CACFD1: variants seen among roughly 807,000 people sequenced by gnomAD.
The protein encoded by CACFD1 is calcium channel flower homolog.
CACFD1 carries 26 observed loss-of-function variants against 21.3 expected under a neutral mutation model. That is an observed-to-expected ratio of 1.22 (90% CI 0.89 to 1.69). The LOEUF (loss-of-function observed/expected upper bound fraction) is 1.69, where lower values mean the gene tolerates loss of function less well. Ranked by LOEUF, CACFD1 falls within the 40% of genes most tolerant of loss-of-function variation. The probability of loss-of-function intolerance (pLI) is 0.00; values close to 1 mark genes in which losing one functional copy is unlikely to be tolerated. For synonymous variants in CACFD1, 121 were observed against 106.6 expected, an observed-to-expected ratio of 1.13 and a Z score of -0.83; for missense variants, 265 against 236.2, an observed-to-expected ratio of 1.12 and a Z score of -0.80.
intron 3 of CACFD1, among the ~76,000 whole-genome samples, chr9:133,467,005 C>T (rs1843464485): frequency 6.6e-6 from 1 of 152,188 alleles, no homozygotes; most frequent in African/African-American, 2.4e-5. Context: ...TCAGAAGGTT[C>T]CCCGCCGTGG....
rs1373406949 is a variant in CACFD1 at position 133,468,680 on chromosome 9, C to T, written c.*27C>T. 1.9e-6 allele frequency: 3 copies of T among 1,546,382 alleles called. No homozygotes were observed. The highest frequency in any genetic ancestry group is 2.7e-5 in the African/African-American group (2 of 73,894). On this transcript the variant is annotated 3_prime_UTR_variant, in exon 5 of 5. Coordinates refer to ENST00000316948, the MANE Select transcript of CACFD1 (RefSeq NM_017586.5). The stretch of plus-strand genomic sequence containing the variant: ...GGGCTGGGCGCCCCTCCCTCCCTGT[C>T]CCCTCTTCTGGCTCTGTGTGGGTCC...
Position 133,465,358 on chromosome 9 carries a change from C to T in CACFD1, c.231C>T (p.Pro77=). 6.2e-7 allele frequency: 1 copy of T among 1,614,074 alleles called. No individual in the cohort carries two copies. The highest frequency in any genetic ancestry group is 1.1e-5 in the South Asian group (1 of 91,086). Residue 77 remains proline, a synonymous_variant, in exon 3 of 5, where the codon CCC becomes CCT. Transcript: ENST00000316948. The surrounding 1 kb of genome is among the most constrained non-coding windows in gnomAD (Gnocchi z 5.0). The stretch of plus-strand genomic sequence containing the variant: ...TCATCTTGTTGCTGTGTGAGGCGCC[C>T]TTCTGCTGCCAGTTCATCGAGTTTG... The part of the protein sequence containing the change: ...NAFILLLCEA[P]FCCQFIEFAN...
chr9:133,463,103 G>A (rs1843281900), intron 1 of CACFD1, among the ~76,000 whole-genome samples: 1 of 152,224 alleles, frequency 6.6e-6, no homozygotes, highest in Non-Finnish European at 1.5e-5. Flanking sequence ...TGAGTCTTGG[G>A]GGAGCACTGG....
Position 133,463,487 on chromosome 9 carries a change from C to T in CACFD1, c.126C>T (p.Cys42=), listed in dbSNP as rs150907694. ...RLSGVLGAVS[C]AISGLFNCIT... The stretch of plus-strand genomic sequence containing the variant: ...GCCCGTGTCTCTTGTTTCAAGCTTG[C>T]GCGATCTCTGGCCTCTTCAACTGCA... Residue 42 remains cysteine (C), a synonymous_variant, in exon 2 of 5, where the codon TGC becomes TGT. Coordinates refer to ENST00000316948, the MANE Select transcript of CACFD1 (RefSeq NM_017586.5). 3.6e-4 allele frequency: 573 copies of T among 1,613,924 alleles called. No homozygotes were observed. Among genetic ancestry groups the T allele is most frequent in the Non-Finnish European group, 4.6e-4 (537 of 1,179,996 alleles).
chr9:133,467,915 C>G lies in CACFD1; in HGVS notation c.321-6C>G. On this transcript the variant is annotated splice_polypyrimidine_tract_variant and splice_region_variant and intron_variant, in intron 3 of 4. Coordinates refer to ENST00000316948, the MANE Select transcript of CACFD1 (RefSeq NM_017586.5). ...AGTGCCCCCTTGACCTCTGCTTTCC[C>G]CCCAGGATGGCGGTCGTTCCCATCG... 1 of 1,609,572 alleles carries G rather than the reference C, an allele frequency of 6.2e-7. No individual in the cohort carries two copies. Among genetic ancestry groups the G allele is most frequent in the Non-Finnish European group, 8.5e-7 (1 of 1,177,554 alleles).
chr9:133,461,550 G>A (rs1412356075), intron 1 of CACFD1, among the ~76,000 whole-genome samples: 1 of 152,236 alleles, frequency 6.6e-6, no homozygotes, highest in East Asian at 1.9e-4. Context: ...TGGTGAGAAA[G>A]GAAAGGTCCT....
intron 1 of CACFD1, chr9:133,462,004 A>G (rs778330097): frequency 1.0e-6 from 1 of 985,378 alleles, no homozygotes; most frequent in South Asian, 4.7e-5. Context: ...ACAGGATTGC[A>G]TGGTGACAGC....
chr9:133,464,217 C>A (rs919073039), intron 2 of CACFD1, among the ~76,000 whole-genome samples: 8 of 152,138 alleles, frequency 5.3e-5, no homozygotes, highest in Non-Finnish European at 8.8e-5. Context: ...GGCTTGGTGC[C>A]TTGAGGGGTA....
rs144436977 is a variant in CACFD1, at chr9:133,468,990, T to G, written c.*337T>G. The G allele has an allele frequency of 1.2e-3, 437 of 360,812 alleles. 5 individuals carry two copies. Among genetic ancestry groups the G allele is most frequent in the African/African-American group, 8.7e-3 (418 of 47,912 alleles). 22.4% of individuals were successfully genotyped at this position (360,812 alleles called of 1,614,324 possible). A position where few individuals can be genotyped will look rare whatever the true frequency, so the allele number is the denominator to read the frequency against. ...TGGGAGCAGCTTCCCCTGGAGATGC[T>G]GGTCCTGGCTTGAGGGGAGGGGCAA... On this transcript the variant is annotated 3_prime_UTR_variant, in exon 5 of 5. Coordinates refer to ENST00000316948, the MANE Select transcript of CACFD1 (RefSeq NM_017586.5).
Position 133,463,473 on chromosome 9 carries a change from T to C in CACFD1, c.122-10T>C. 1 of 1,613,678 alleles carries C rather than the reference T, an allele frequency of 6.2e-7. No individual in the cohort carries two copies. On this transcript the variant is annotated splice_polypyrimidine_tract_variant and intron_variant, in intron 1 of 4. Coordinates refer to ENST00000316948, the MANE Select transcript of CACFD1 (RefSeq NM_017586.5). ...CCCTGCTGACTCCTGCCCGTGTCTC[T>C]TGTTTCAAGCTTGCGCGATCTCTGG...
At chr9:133,460,213 CCGGCCCCG>C in intron 1 of CACFD1, 26 bp downstream of exon 1, 1 of 1,505,500 alleles carries the variant, frequency 6.6e-7, no homozygotes, top group South Asian at 1.3e-5. Context: ...GGGAGAGGGG[CCGGCCCCG>C]CCGCGCATGC....
intron 2 of CACFD1, 85 bp downstream of exon 2, chr9:133,463,640 G>A: frequency 7.1e-7 from 1 of 1,417,014 alleles, no homozygotes; most frequent in Non-Finnish European, 9.9e-7. Flanking sequence ...GAGTGGCAGG[G>A]GCCGTGGGAG....
intron 2 of CACFD1, among the ~76,000 whole-genome samples, chr9:133,464,330 G>A (rs1320662152): frequency 6.6e-6 from 1 of 152,202 alleles, no homozygotes; most frequent in Non-Finnish European, 1.5e-5. Flanking sequence ...GCTGGCCAGT[G>A]GTGGATAGGG....
Position 133,468,820 on chromosome 9 carries a change from C to G in CACFD1, c.*167C>G. The G allele has an allele frequency of 2.5e-6, 3 of 1,215,394 alleles. No homozygotes were observed. The highest frequency in any genetic ancestry group is 3.3e-6 in the Non-Finnish European group (3 of 902,178). The allele number at this position is 1,215,394 out of a possible 1,614,324, so 75.3% of individuals were successfully genotyped here. On this transcript the variant is annotated 3_prime_UTR_variant, in exon 5 of 5. Transcript: ENST00000316948. ...CCAGACTGGCTTAAGCCAGGAGCCA[C>G]TGGCTGCTGGTGTGAGGGTCTGGGC...
In CACFD1 at chr9:133,468,641, G is replaced by C. The variant is rs144772039; in HGVS notation, c.507G>C (p.Glu169Asp). The C allele has an allele frequency of 2.5e-4, 393 of 1,577,948 alleles. No homozygotes were observed. The highest frequency in any genetic ancestry group is 3.2e-4 in the Non-Finnish European group (368 of 1,164,930). ...AGGAGAAGCTCGCGGAGACCCTGGA[G>C]GGGGAGCTGTGAAGGGCTGGGCGCC... ...ADEEKLAETLEGEL is the reference protein window; with the variant it reads ...ADEEKLAETLDGEL The change falls in exon 5 of 5, where the codon GAG becomes GAC. Residue 169 changes from glutamate (E) to aspartate (D), a missense_variant. Transcript: ENST00000316948.
In CACFD1 at chr9:133,464,376, C is replaced by T. The variant is rs587645560; in HGVS notation, c.194+821C>T. Among the ~76,000 whole-genome samples the T allele has an allele frequency of 1.9e-4, 29 of 152,302 alleles. No homozygotes were observed. The South Asian group carries it at 5.4e-3, about 28-fold the overall frequency. ...GACAGAGAGGCGCCCAGCCCAGCTTCAGGGGGTGGAGTCGGAGCCTGGCCG... is the reference window on the plus strand; with the variant it reads ...GACAGAGAGGCGCCCAGCCCAGCTTTAGGGGGTGGAGTCGGAGCCTGGCCG... On this transcript the variant is annotated intron_variant, in intron 2 of 4. Coordinates refer to ENST00000316948, the MANE Select transcript of CACFD1 (RefSeq NM_017586.5).
chr9:133,460,296 CGG>C, intron 1 of CACFD1, 109 bp downstream of exon 1: 1 of 1,044,774 alleles, frequency 9.6e-7, no homozygotes, highest in Non-Finnish European at 1.3e-6. Flanking sequence ...CGCTGGGGGT[CGG>C]GGGTCTGCCG....
chr9:133,468,758 C>T lies in CACFD1; in HGVS notation c.*105C>T. On this transcript the variant is annotated 3_prime_UTR_variant, in exon 5 of 5. Transcript: ENST00000316948. ...GGCACAGCCTGGAGAGGGGCCTTTG[C>T]ACGTGTCCCTACACCTGGAGTCCTC... The T allele has an allele frequency of 1.4e-6, 2 of 1,445,210 alleles. No homozygotes were observed. Among genetic ancestry groups the T allele is most frequent in the South Asian group, 1.4e-5 (1 of 70,106 alleles). The allele number at this position is 1,445,210 out of a possible 1,614,324, so 89.5% of individuals were successfully genotyped here. A position where few individuals can be genotyped will look rare whatever the true frequency, so the allele number is the denominator to read the frequency against.
At chr9:133,460,337 G>C (rs1454190860) in intron 1 of CACFD1, 150 bp downstream of exon 1, 2 of 702,536 alleles carry the variant, frequency 2.8e-6, no homozygotes, top group Admixed American at 4.4e-5. Flanking sequence ...GGAATGGCGG[G>C]GCCGCCGGGA....
Sources: gnomAD v4.1 joint callset for allele counts (sites outside exome capture counted in the v4.1 genomes callset) on GRCh38, gnomAD v4.1.1 for gene constraint, Gnocchi (gnomAD v3.1) non-coding constraint, MANE v1.5 for transcripts, NCBI Gene and HGNC (gene_info 2026-07-23, HGNC 2026-07-21) for gene names.